The following NOL4 variants were observed in gnomAD, a reference collection of about 807,000 sequenced individuals.
NOL4 encodes nucleolar protein 4.
NOL4 carries 17 observed loss-of-function variants against 75.9 expected under a neutral mutation model. That is an observed-to-expected ratio of 0.22 (90% CI 0.15 to 0.34). The LOEUF is 0.34. Among genes scored for constraint, NOL4 ranks in the 10% least tolerant of loss-of-function variants. NOL4 has a pLI of 1.00. For missense variants in NOL4, 614 were observed against 793.5 expected (o/e 0.77, Z 2.72); for synonymous variants, 292 against 289.9 (o/e 1.01, Z -0.07).
At chr18:34,206,181 AC>A (rs761274323) in intron 1 of NOL4, among the ~76,000 whole-genome samples, 5 of 152,018 alleles carry the variant, frequency 3.3e-5, no homozygotes, top group Non-Finnish European at 4.4e-5. Context: ...TGTAGTTTAA[AC>A]CCTTTCTGGT....
chr18:34,027,244 A>G (rs943087244), intron 5 of NOL4, among the ~76,000 whole-genome samples: 1 of 152,174 alleles, frequency 6.6e-6, no homozygotes, highest in Non-Finnish European at 1.5e-5. Context: ...GGTGGTTTGG[A>G]ACAAGCTCAG....
chr18:34,064,267 T>C (rs2145167441), intron 5 of NOL4, among the ~76,000 whole-genome samples: 1 of 152,110 alleles, frequency 6.6e-6, no homozygotes, highest in African/African-American at 2.4e-5. Flanking sequence ...TGAAATTTAA[T>C]GAAGCAGGTC....
chr18:34,137,775 G>A (rs1038067171), intron 1 of NOL4, among the ~76,000 whole-genome samples: 4 of 38,526 alleles, frequency 1.0e-4, no homozygotes, highest in Admixed American at 3.2e-4. Flanking sequence ...ATGTATATAC[G>A]AAATACACAC....
chr18:34,193,606 AG>A (rs2035081068), intron 1 of NOL4, among the ~76,000 whole-genome samples: 1 of 111,722 alleles, frequency 9.0e-6, no homozygotes, highest in Admixed American at 1.0e-4. Context: ...GAAGATGTGG[AG>A]GAAAAAAAAA....
intron 5 of NOL4, among the ~76,000 whole-genome samples, chr18:34,086,187 G>C (rs2078235254): frequency 6.6e-6 from 1 of 151,998 alleles, no homozygotes; most frequent in Non-Finnish European, 1.5e-5. Context: ...ATCATTTTTA[G>C]GTATTTTAAG....
At chr18:34,185,800 T>C (rs867332440) in intron 1 of NOL4, among the ~76,000 whole-genome samples, 1 of 152,150 alleles carries the variant, frequency 6.6e-6, no homozygotes, top group African/African-American at 2.4e-5. Flanking sequence ...ACCCAAATCA[T>C]GACGTATCTC....
At chr18:34,196,098 C>A (rs1169538118) in intron 1 of NOL4, among the ~76,000 whole-genome samples, 1 of 151,994 alleles carries the variant, frequency 6.6e-6, no homozygotes, top group South Asian at 2.1e-4. Flanking sequence ...TATGTTTGAA[C>A]AAAATGTGTT....
intron 2 of NOL4, chr18:34,121,279 G>A (rs1315700679): frequency 6.6e-6 from 1 of 152,146 alleles, no homozygotes; most frequent in Admixed American, 6.5e-5. Context: ...TTCCTGAAGA[G>A]TATGTGTAAT....
intron 5 of NOL4, among the ~76,000 whole-genome samples, chr18:34,028,825 A>G (rs1388760925): frequency 6.6e-6 from 1 of 152,216 alleles, no homozygotes; most frequent in Non-Finnish European, 1.5e-5. Context: ...AGCAGAAGTA[A>G]AAGTGGTAGG....
intron 9 of NOL4, among the ~76,000 whole-genome samples, chr18:33,890,651 T>C (rs1422514780): frequency 1.3e-5 from 2 of 152,108 alleles, no homozygotes; most frequent in Admixed American, 1.3e-4. Context: ...TTCTATTTGA[T>C]ATGTAGGCAA....
At chr18:33,900,124 T>C (rs1410187216) in intron 9 of NOL4, among the ~76,000 whole-genome samples, 2 of 152,140 alleles carry the variant, frequency 1.3e-5, no homozygotes, top group East Asian at 3.9e-4. Context: ...CTAATGGTTT[T>C]GCATGGTGCT....
intron 6 of NOL4, among the ~76,000 whole-genome samples, chr18:33,975,708 G>C (rs945557523): frequency 6.6e-6 from 1 of 152,228 alleles, no homozygotes; most frequent in African/African-American, 2.4e-5. Context: ...CTAGGAGGCA[G>C]AGGTTGCAGT....
intron 6 of NOL4, among the ~76,000 whole-genome samples, chr18:33,961,218 C>T (rs1289132452): frequency 6.6e-6 from 1 of 151,882 alleles, no homozygotes; most frequent in Non-Finnish European, 1.5e-5. Context: ...TTTGGCTATC[C>T]ATTATTTCCA....
intron 6 of NOL4, among the ~76,000 whole-genome samples, chr18:34,017,791 C>A (rs909225509): frequency 6.6e-6 from 1 of 152,090 alleles, no homozygotes; most frequent in Non-Finnish European, 1.5e-5. Context: ...TTTTCTTCTG[C>A]GTCTTTGGCT....
Position 34,062,978 on chromosome 18 carries a change from C to T in NOL4, c.772+30487G>A, listed in dbSNP as rs140621621. ...CAATCAACTTTATATCATAGAATTA[C>T]GGGAGAATTTACTTATGGATGCTAT... On this transcript the variant is annotated intron_variant, in intron 5 of 10. Transcript: ENST00000261592. Among the ~76,000 whole-genome samples, 384 of 152,038 alleles carry T rather than the reference C, an allele frequency of 2.5e-3. 4 individuals carry two copies. The highest frequency in any genetic ancestry group is 7.8e-3 in the African/African-American group (322 of 41,484).
chr18:34,185,180 T>G (rs759552255), intron 1 of NOL4, among the ~76,000 whole-genome samples: 7 of 152,178 alleles, frequency 4.6e-5, no homozygotes, highest in Non-Finnish European at 8.8e-5. Flanking sequence ...ATCTGAAAAC[T>G]GTCAATTGTG....
chr18:33,855,226 T>C (rs1456354647), intron 10 of NOL4, among the ~76,000 whole-genome samples: 1 of 152,072 alleles, frequency 6.6e-6, no homozygotes, highest in Non-Finnish European at 1.5e-5. Flanking sequence ...ATAAACAAGA[T>C]ATTTCACTAG....
At chr18:34,092,444 G>T (rs533281994) in intron 5 of NOL4, among the ~76,000 whole-genome samples, 2 of 152,138 alleles carry the variant, frequency 1.3e-5, no homozygotes, top group South Asian at 2.1e-4. Context: ...GTGAGAAAAA[G>T]AAAAGCCCCT....
At chr18:33,879,381 G>C (rs557755976) in intron 10 of NOL4, among the ~76,000 whole-genome samples, 1 of 151,858 alleles carries the variant, frequency 6.6e-6, no homozygotes, top group Non-Finnish European at 1.5e-5. Context: ...TTATATAAAG[G>C]TATTTCCTGG....
Sources: allele counts gnomAD v4.1 joint callset (sites outside exome capture counted in the v4.1 genomes callset), GRCh38; gene constraint gnomAD v4.1.1; transcripts MANE v1.5; gene names NCBI Gene and HGNC (gene_info 2026-07-23, HGNC 2026-07-21).